ATAD2B: variants seen among roughly 807,000 people sequenced by gnomAD.
The protein encoded by ATAD2B is ATPase family AAA domain containing 2B.
ATAD2B carries 40 observed loss-of-function variants against 167.6 expected under a neutral mutation model. The ratio of observed to expected loss-of-function variants is 0.24; its 90% CI spans 0.19 to 0.31. The LOEUF (loss-of-function observed/expected upper bound fraction) is 0.31, where lower values mean the gene tolerates loss of function less well. Ranked by LOEUF, ATAD2B falls within the 10% of genes least tolerant of loss-of-function variation. The pLI is 1.00. For missense variants in ATAD2B, 1,242 were observed against 1,757.2 expected, an observed-to-expected ratio of 0.71 and a Z score of 5.24; for synonymous variants, 579 against 596.5, an observed-to-expected ratio of 0.97 and a Z score of 0.43.
At chr2:23,921,109 G>A (rs1296240942) in intron 1 of ATAD2B, among the ~76,000 whole-genome samples, 1 of 148,866 alleles carries the variant, frequency 6.7e-6, no homozygotes, top group East Asian at 2.0e-4. Flanking sequence ...GGGAGGCTGA[G>A]GCAGCAGAAT....
At chr2:23,900,734 G>A (rs1206251412) in intron 1 of ATAD2B, 1 of 152,102 alleles carries the variant, frequency 6.6e-6, no homozygotes. Context: ...TGTCTCAATC[G>A]GCTCTGCCCT....
intron 22 of ATAD2B, among the ~76,000 whole-genome samples, chr2:23,767,635 A>G: frequency 6.6e-6 from 1 of 152,300 alleles, no homozygotes; most frequent in African/African-American, 2.4e-5. Context: ...TTTTCTGATC[A>G]CTGGATTGAG....
At position 23,754,210 on chromosome 2, in the gene ATAD2B, C is replaced by T. The variant is rs766834206; in HGVS notation, c.4304G>A (p.Arg1435His). The T allele has an allele frequency of 5.2e-6, 8 of 1,551,720 alleles. No individual in the cohort carries two copies. Among genetic ancestry groups the T allele is most frequent in the Non-Finnish European group, 5.2e-6 (6 of 1,147,448 alleles). Residue 1435 changes from arginine to histidine, a missense_variant, in exon 27 of 28, where the codon CGT (arginine) becomes CAT (histidine). By Grantham distance (29) the Arg-to-His change is conservative. Transcript: ENST00000238789. Reference sequence around the variant, plus strand: ...AAGTTGTGATTTGTCATAATCTTTACGATGACGGTAGATACACTGACTAAG... The same window carrying T: ...AAGTTGTGATTTGTCATAATCTTTATGATGACGGTAGATACACTGACTAAG... ...SLLSQCIYRH[R>H]KDYDKSQLVE...
chr2:23,696,499 G>C, the ATAD2B span: 1 of 1,531,594 alleles, frequency 6.5e-7, no homozygotes, highest in Non-Finnish European at 8.8e-7. The surrounding 1 kb of genome is among the most constrained non-coding windows in gnomAD (Gnocchi z 5.5). Flanking sequence ...CAGGCAACGT[G>C]GACCACGTGG....
chr2:23,914,962 CAAAG>C (rs1229485289), intron 1 of ATAD2B, among the ~76,000 whole-genome samples: 4 of 152,068 alleles, frequency 2.6e-5, no homozygotes, highest in Admixed American at 6.6e-5. Flanking sequence ...GTGTCTATCT[CAAAG>C]AAATTCCCAC....
intron 1 of ATAD2B, chr2:23,901,146 A>G (rs993779195): frequency 2.5e-5 from 4 of 162,564 alleles, no homozygotes; most frequent in Admixed American, 5.9e-5. Context: ...CCCTGGTTGC[A>G]TAAGTTTGTC....
At chr2:23,691,912 A>G in the ATAD2B span, 1,305 of 1,536,948 alleles carry the variant, frequency 8.5e-4, 3 homozygotes, top group Non-Finnish European at 1.1e-3. Context: ...CTTGGGGGGA[A>G]GAGTGCAGAT....
At chr2:23,737,736 G>A in the ATAD2B span, among the ~76,000 whole-genome samples, 1,481 of 152,260 alleles carry the variant, frequency 9.7e-3, 12 homozygotes, top group Non-Finnish European at 0.016. Context: ...GGTTTCAGAC[G>A]ATCAAACTAC....
At chr2:23,866,535 A>G (rs1313842388) in intron 10 of ATAD2B, among the ~76,000 whole-genome samples, 1 of 152,216 alleles carries the variant, frequency 6.6e-6, no homozygotes, top group Non-Finnish European at 1.5e-5. Flanking sequence ...AAAATTTTTT[A>G]AAGACAAAAA....
chr2:23,907,290 GT>G (rs1035147144), intron 1 of ATAD2B, among the ~76,000 whole-genome samples: 15 of 152,176 alleles, frequency 9.9e-5, no homozygotes, highest in African/African-American at 3.4e-4. Flanking sequence ...CAAAATCAAT[GT>G]GCAAAAATCA....
chr2:23,799,140 G>A (rs1683060194), intron 18 of ATAD2B, among the ~76,000 whole-genome samples: 1 of 152,024 alleles, frequency 6.6e-6, no homozygotes, highest in South Asian at 2.1e-4. Context: ...CATGTTAATA[G>A]GACATTTCTC....
chr2:23,788,454 G>A, intron 20 of ATAD2B, 58 bp downstream of exon 20: 2 of 1,556,388 alleles, frequency 1.3e-6, no homozygotes, highest in Non-Finnish European at 1.8e-6. Context: ...CTGACTCCAA[G>A]AAAGGGTATT....
chr2:23,704,883 T>A, the ATAD2B span, among the ~76,000 whole-genome samples: 1 of 152,246 alleles, frequency 6.6e-6, no homozygotes. Flanking sequence ...GGGAATAGCA[T>A]GAAGTACTTA....
chr2:23,870,222 A>AG (rs1695726796), intron 8 of ATAD2B, among the ~76,000 whole-genome samples: 1 of 145,766 alleles, frequency 6.9e-6, no homozygotes, highest in Non-Finnish European at 1.5e-5. Flanking sequence ...AAAAAAAAAA[A>AG]GGAGAATAGA....
At chr2:23,878,718 T>G (rs578123750) in intron 7 of ATAD2B, among the ~76,000 whole-genome samples, 115 of 151,568 alleles carry the variant, frequency 7.6e-4, no homozygotes, top group African/African-American at 2.7e-3. Context: ...AAGATACTAT[T>G]GAGAGAATAA....
At chr2:23,841,098 ATTTTTTTTT>A (rs572061183) in intron 13 of ATAD2B, among the ~76,000 whole-genome samples, 1 of 117,172 alleles carries the variant, frequency 8.5e-6, no homozygotes, top group Non-Finnish European at 1.8e-5. Context: ...ATGCATGGCT[ATTTTTTTTT>A]TTTTTTTTTT....
At chr2:23,723,157 G>T in the ATAD2B span, among the ~76,000 whole-genome samples, 1 of 152,194 alleles carries the variant, frequency 6.6e-6, no homozygotes, top group East Asian at 1.9e-4. Context: ...GCCAGACTTG[G>T]TGGCATGTGC....
chr2:23,848,822 A>AT (rs1353979755), intron 13 of ATAD2B, among the ~76,000 whole-genome samples: 7 of 152,212 alleles, frequency 4.6e-5, no homozygotes, highest in African/African-American at 1.4e-4. Flanking sequence ...CACTAAATGT[A>AT]TAAGTGTCCA....
In ATAD2B at chr2:23,853,557, A is replaced by G. The variant is rs867384175; in HGVS notation, c.1568+3858T>C. The stretch of plus-strand genomic sequence containing the variant: ...CCATAAGACACAGGAAAAGGAAATT[A>G]AAGAATACCTAAATAAATGAACAGA... On this transcript the variant is annotated intron_variant, in intron 13 of 27. Coordinates refer to ENST00000238789, the MANE Select transcript of ATAD2B (RefSeq NM_017552.4). 9.2e-5 allele frequency among the ~76,000 whole-genome samples: 14 copies of G among 152,374 alleles called. No homozygotes were observed. In the Middle Eastern group the frequency reaches 0.01, roughly 111 times the overall value.
Sources: gnomAD v4.1 joint callset for allele counts (sites outside exome capture counted in the v4.1 genomes callset) on GRCh38, gnomAD v4.1.1 for gene constraint, Gnocchi (gnomAD v3.1) non-coding constraint, MANE v1.5 for transcripts, NCBI Gene and HGNC (gene_info 2026-07-23, HGNC 2026-07-21) for gene names.